Variants in ERICH2 observed in about 807,000 individuals in gnomAD.
ERICH2 encodes the protein glutamate rich 2.
In ERICH2, 17 loss-of-function variants were observed where a neutral mutation model predicts 17.4. The ratio of observed to expected loss-of-function variants is 0.98; its 90% CI spans 0.67 to 1.47. ERICH2 has a LOEUF of 1.47. Ranked by LOEUF, ERICH2 falls within the 40% of genes most tolerant of loss-of-function variation. The pLI, the probability that ERICH2 is intolerant of heterozygous loss-of-function variation, is 0.00. For missense variants in ERICH2, 186 were observed against 183.2 expected (o/e 1.01, Z -0.09); for synonymous variants, 51 against 61.1 (o/e 0.83, Z 0.77).
At chr2:170,784,919 A>T in intron 2 of ERICH2, 86 bp downstream of exon 7, 1 of 1,151,004 alleles carries the variant, frequency 8.7e-7, no homozygotes, top group Non-Finnish European at 1.2e-6. Flanking sequence ...CTACTGTGAG[A>T]ACTAAAAAAG....
chr2:170,795,990 C>G (rs1445920578), intron 3 of ERICH2, among the ~76,000 whole-genome samples: 1 of 152,042 alleles, frequency 6.6e-6, no homozygotes, highest in Non-Finnish European at 1.5e-5. Context: ...AATATAGTTC[C>G]TACAAAATCT....
At chr2:170,773,328 T>G in the ERICH2 span, among the ~76,000 whole-genome samples, 1 of 152,218 alleles carries the variant, frequency 6.6e-6, no homozygotes, top group African/African-American at 2.4e-5. Flanking sequence ...ATGGCATCAG[T>G]TAAGTCAGAT....
At chr2:170,786,927 T>C (rs1701172883) in intron 2 of ERICH2, among the ~76,000 whole-genome samples, 1 of 152,246 alleles carries the variant, frequency 6.6e-6, no homozygotes. Flanking sequence ...TGTTTTAACA[T>C]GCCTGCCTGC....
At chr2:170,775,785 A>G in the ERICH2 span, 1 of 154,418 alleles carries the variant, frequency 6.5e-6, no homozygotes, top group Non-Finnish European at 1.5e-5. Flanking sequence ...GTTCCCCAGA[A>G]AGCAAAGCCT....
exon 3 of ERICH2, chr2:170,792,871 A>G: frequency 1.3e-6 from 2 of 1,514,868 alleles, no homozygotes; most frequent in Non-Finnish European, 1.8e-6. Context: ...AGTTTCTGAG[A>G]GCAGAAATGG....
chr2:170,774,866 C>T, the ERICH2 span, among the ~76,000 whole-genome samples: 4 of 150,796 alleles, frequency 2.7e-5, no homozygotes, highest in Non-Finnish European at 5.9e-5. Context: ...TGAGCCACCA[C>T]GCCCAGCCCA....
intron 2 of ERICH2, among the ~76,000 whole-genome samples, chr2:170,785,139 CAAAGA>C (rs1054322191): frequency 7.9e-5 from 12 of 152,022 alleles, no homozygotes; most frequent in Admixed American, 5.9e-4. Context: ...ATTCCCAGCA[CAAAGA>C]AAAGATAAGT....
chr2:170,795,073 C>G (rs1213819551), intron 3 of ERICH2, among the ~76,000 whole-genome samples: 2 of 151,936 alleles, frequency 1.3e-5, no homozygotes, highest in Non-Finnish European at 2.9e-5. Flanking sequence ...CTCAATCTCC[C>G]AGCTCAGGCA....
intron 3 of ERICH2, among the ~76,000 whole-genome samples, chr2:170,795,866 A>C (rs923823922): frequency 1.3e-5 from 2 of 152,216 alleles, no homozygotes; most frequent in Non-Finnish European, 2.9e-5. Context: ...GAGGTCCGGA[A>C]GATTTATTTA....
intron 1 of ERICH2, chr2:170,783,942 G>A: frequency 1.3e-6 from 2 of 1,546,644 alleles, no homozygotes; most frequent in Non-Finnish European, 1.7e-6. Flanking sequence ...GTAGCATTTT[G>A]GGTTTAGAGT....
At chr2:170,779,928 C>A, upstream of ERICH2, 1 of 629,756 alleles carries the variant, frequency 1.6e-6, no homozygotes, top group Non-Finnish European at 2.0e-6. Flanking sequence ...CCATGTTTGA[C>A]AAGTATAAAT....
At chr2:170,782,682 A>T (rs1701057333), upstream of ERICH2, among the ~76,000 whole-genome samples, 1 of 152,258 alleles carries the variant, frequency 6.6e-6, no homozygotes, top group Admixed American at 6.5e-5. Flanking sequence ...CCAGAGTGCC[A>T]GGCACTGGTT....
the ERICH2 span, among the ~76,000 whole-genome samples, chr2:170,772,498 G>A: frequency 3.3e-5 from 5 of 152,174 alleles, no homozygotes; most frequent in Admixed American, 3.3e-4. Flanking sequence ...AGAGGTTAAG[G>A]AATTTGCTCA....
At chr2:170,791,691 A>T (rs914907890) in intron 2 of ERICH2, among the ~76,000 whole-genome samples, 6 of 150,938 alleles carry the variant, frequency 4.0e-5, no homozygotes, top group Non-Finnish European at 7.4e-5. Context: ...CTCCGTCTCA[A>T]AAATAAATAA....
At position 170,792,928 on chromosome 2, in the gene ERICH2, C is replaced by A; in HGVS notation, c.274+8C>A. ...AAAAATTATGTCAGATGAGTAAGTA[C>A]AAAATACTTTCATATTTTCTAATCT... On this transcript the variant is annotated splice_region_variant and intron_variant, in intron 3 of 4. Coordinates refer to ENST00000409885, the Ensembl canonical transcript of ERICH2. 6.9e-7 allele frequency: 1 copy of A among 1,459,082 alleles called. No individual in the cohort carries two copies. Among genetic ancestry groups the A allele is most frequent in the Non-Finnish European group, 9.2e-7 (1 of 1,081,682 alleles). 90.4% of individuals were successfully genotyped at this position (1,459,082 alleles called of 1,614,324 possible).
At chr2:170,790,402 G>A (rs1177923486) in intron 2 of ERICH2, among the ~76,000 whole-genome samples, 4 of 152,200 alleles carry the variant, frequency 2.6e-5, no homozygotes, top group African/African-American at 7.2e-5. Flanking sequence ...CAAGGCAGGC[G>A]GATCACCTGA....
At chr2:170,787,780 T>G (rs1239894004) in intron 2 of ERICH2, among the ~76,000 whole-genome samples, 1 of 152,176 alleles carries the variant, frequency 6.6e-6, no homozygotes, top group African/African-American at 2.4e-5. Flanking sequence ...TAGATTTTTC[T>G]TCCTCATGCT....
chr2:170,779,994 GT>G (rs1700990736), upstream of ERICH2: 1 of 296,046 alleles, frequency 3.4e-6, no homozygotes, highest in Non-Finnish European at 5.0e-6. Flanking sequence ...TTCAGTAGAA[GT>G]TTTGGGACAC....
chr2:170,789,833 T>C (rs1425338139), intron 2 of ERICH2, among the ~76,000 whole-genome samples: 5 of 152,146 alleles, frequency 3.3e-5, no homozygotes, highest in African/African-American at 1.2e-4. Flanking sequence ...TTCCTAAATG[T>C]TTAGGTATGA....
Sources: gnomAD v4.1 joint callset for allele counts (sites outside exome capture counted in the v4.1 genomes callset) on GRCh38, gnomAD v4.1.1 for gene constraint, MANE v1.5 for transcripts, NCBI Gene and HGNC (gene_info 2026-07-23, HGNC 2026-07-21) for gene names.